PARD3B: variants seen among roughly 807,000 people sequenced by gnomAD.
PARD3B encodes the protein partitioning defective 3 homolog B.
In PARD3B, 103 loss-of-function variants were observed where a neutral mutation model predicts 130.2. The ratio of observed to expected loss-of-function variants is 0.79; its 90% CI spans 0.67 to 0.93. PARD3B has a LOEUF of 0.93. PARD3B is among the 40% of genes least tolerant of loss of function. The pLI is 0.00. For missense variants in PARD3B, 1,609 were observed against 1,499.2 expected (o/e 1.07, Z -1.21); for synonymous variants, 583 against 553.2 (o/e 1.05, Z -0.76).
At chr2:204,587,906 G>A (rs903811579) in intron 1 of PARD3B, among the ~76,000 whole-genome samples, 1 of 152,120 alleles carries the variant, frequency 6.6e-6, no homozygotes, top group African/African-American at 2.4e-5. Flanking sequence ...CTCCCACTTT[G>A]CTCTGGACTT....
chr2:204,987,027 ACT>A (rs969694399), intron 3 of PARD3B, among the ~76,000 whole-genome samples: 7 of 151,844 alleles, frequency 4.6e-5, no homozygotes, highest in African/African-American at 1.7e-4. Flanking sequence ...TGTCTAAGGG[ACT>A]CTCTCGTGTG....
At chr2:205,337,786 A>T (rs1487737511) in intron 18 of PARD3B, among the ~76,000 whole-genome samples, 1 of 152,186 alleles carries the variant, frequency 6.6e-6, no homozygotes, top group Non-Finnish European at 1.5e-5. Flanking sequence ...AAAAATAGCC[A>T]GTTTATGACA....
intron 4 of PARD3B, among the ~76,000 whole-genome samples, chr2:205,077,277 T>G (rs982495175): frequency 6.6e-6 from 1 of 152,146 alleles, no homozygotes; most frequent in Non-Finnish European, 1.5e-5. Flanking sequence ...TTGAACAAAT[T>G]ACAGAACTTT....
intron 2 of PARD3B, among the ~76,000 whole-genome samples, chr2:204,793,486 C>A (rs552102871): frequency 6.6e-6 from 1 of 152,066 alleles, no homozygotes; most frequent in East Asian, 1.9e-4. Flanking sequence ...TTTTAATATT[C>A]TCACTTATCA....
At chr2:204,563,229 C>G (rs1187265941) in intron 1 of PARD3B, among the ~76,000 whole-genome samples, 6 of 130,808 alleles carry the variant, frequency 4.6e-5, no homozygotes, top group African/African-American at 1.7e-4. Context: ...CTCTCTCTCT[C>G]TCTCTCTCTC....
At chr2:204,567,375 C>T (rs768367283) in intron 1 of PARD3B, among the ~76,000 whole-genome samples, 1 of 152,168 alleles carries the variant, frequency 6.6e-6, no homozygotes, top group African/African-American at 2.4e-5. Context: ...ACTCCCTATT[C>T]CCCACTCCCC....
chr2:204,693,801 G>C (rs1574724332), intron 2 of PARD3B, among the ~76,000 whole-genome samples: 1 of 151,770 alleles, frequency 6.6e-6, no homozygotes, highest in Admixed American at 6.6e-5. Flanking sequence ...TTAATGTTCC[G>C]GTTGTCTGCT....
intron 1 of PARD3B, among the ~76,000 whole-genome samples, chr2:204,654,944 T>C (rs2035595090): frequency 6.6e-6 from 1 of 152,114 alleles, no homozygotes; most frequent in African/African-American, 2.4e-5. Flanking sequence ...CTTTGAGACC[T>C]CCTAAAACAA....
At chr2:204,964,301 A>G (rs1691016980) in intron 2 of PARD3B, among the ~76,000 whole-genome samples, 1 of 152,190 alleles carries the variant, frequency 6.6e-6, no homozygotes, top group African/African-American at 2.4e-5. Context: ...CCAAAAGTGC[A>G]GTTTCAGCAG....
intron 2 of PARD3B, among the ~76,000 whole-genome samples, chr2:204,777,902 C>G (rs2041692424): frequency 6.6e-6 from 1 of 152,130 alleles, no homozygotes; most frequent in Non-Finnish European, 1.5e-5. Flanking sequence ...CCATTCTGTT[C>G]TCATGATAGT....
chr2:204,796,281 C>T (rs758355009), intron 2 of PARD3B, among the ~76,000 whole-genome samples: 5 of 152,108 alleles, frequency 3.3e-5, no homozygotes, highest in Non-Finnish European at 7.4e-5. Flanking sequence ...TCACAGGGAG[C>T]AATATGACAC....
intron 15 of PARD3B, among the ~76,000 whole-genome samples, chr2:205,203,571 T>G (rs943290616): frequency 6.6e-6 from 1 of 152,138 alleles, no homozygotes; most frequent in African/African-American, 2.4e-5. Context: ...TCATCTACAT[T>G]AGGTATTTCT....
In PARD3B at chr2:205,268,710, AAGT is replaced by A. The variant is rs2040607569; in HGVS notation, c.2185+22890_2185+22892del. Among the ~76,000 whole-genome samples, 1 of 152,216 alleles carries A rather than the reference AAGT, an allele frequency of 6.6e-6. No individual in the cohort carries two copies. The highest frequency in any genetic ancestry group is 6.5e-5 in the Admixed American group (1 of 15,280). ...CCAAAATAAGTTTTAAAATAAAATG[AAGT>A]ATAATTTTGAGGAATATAGTGCCAA... On this transcript the variant is annotated intron_variant, in intron 16 of 22. Transcript: ENST00000406610. This position sits in a 1 kb window ranked among gnomAD's most constrained non-coding sequence, Gnocchi z 4.1.
At chr2:205,527,322 G>A (rs2051381024) in intron 21 of PARD3B, among the ~76,000 whole-genome samples, 1 of 151,820 alleles carries the variant, frequency 6.6e-6, no homozygotes, top group Admixed American at 6.6e-5. Flanking sequence ...TTTGACAAGG[G>A]GAAAAAAATA....
intron 1 of PARD3B, among the ~76,000 whole-genome samples, chr2:204,680,484 T>C (rs1436557968): frequency 1.3e-5 from 2 of 152,060 alleles, no homozygotes; most frequent in African/African-American, 4.8e-5. Context: ...TTTACTAGTT[T>C]TGTCAAGCTT....
rs1386942682 is a variant in PARD3B at position 205,463,457 on chromosome 2, AAAC to A, written c.3044+22786_3044+22788del. Among the ~76,000 whole-genome samples, 4 of 151,154 alleles carry A rather than the reference AAAC, an allele frequency of 2.6e-5. No homozygotes were observed. The highest frequency in any genetic ancestry group is 5.9e-5 in the Non-Finnish European group (4 of 68,002). ...ATTCTTTAAAAAAAAAAAAAAAAAA[AAAC>A]CTGTCATTTAATTTTAAATGCTAAT... On this transcript the variant is annotated intron_variant, in intron 20 of 22. Transcript: ENST00000406610. This position sits in a 1 kb window ranked among gnomAD's most constrained non-coding sequence, Gnocchi z 4.8.
At chr2:204,641,424 CT>C (rs2035072892) in intron 1 of PARD3B, among the ~76,000 whole-genome samples, 1 of 150,978 alleles carries the variant, frequency 6.6e-6, no homozygotes, top group African/African-American at 2.5e-5. Context: ...AGATAATGTA[CT>C]TATGTTGAAA....
intron 2 of PARD3B, among the ~76,000 whole-genome samples, chr2:204,881,614 G>A (rs946645225): frequency 2.2e-4 from 33 of 152,128 alleles, no homozygotes; most frequent in South Asian, 6.2e-4. Context: ...CTTGGTAGAT[G>A]GTTGCCAAGG....
At chr2:204,795,243 C>T (rs557632775) in intron 2 of PARD3B, among the ~76,000 whole-genome samples, 1 of 152,268 alleles carries the variant, frequency 6.6e-6, no homozygotes, top group South Asian at 2.1e-4. Context: ...TCCCCTTTCT[C>T]CCTCAATTTT....
Sources: gnomAD v4.1 joint callset for allele counts (sites outside exome capture counted in the v4.1 genomes callset) on GRCh38, gnomAD v4.1.1 for gene constraint, Gnocchi (gnomAD v3.1) non-coding constraint, MANE v1.5 for transcripts, NCBI Gene and HGNC (gene_info 2026-07-23, HGNC 2026-07-21) for gene names.